WBP2NL: variants seen among roughly 807,000 people sequenced by gnomAD.
WBP2NL encodes WBP2 N-terminal like, also known as postacrosomal sheath WW domain-binding protein.
A neutral mutation model predicts 23.3 loss-of-function variants in WBP2NL; 27 were observed. The observed-to-expected ratio is 1.16, with a 90% confidence interval of 0.85 to 1.60. The LOEUF (loss-of-function observed/expected upper bound fraction) is 1.60. Ranked by LOEUF, WBP2NL falls within the 40% of genes most tolerant of loss-of-function variation. The pLI, the probability that WBP2NL is intolerant of heterozygous loss-of-function variation, is 0.00. For synonymous variants in WBP2NL, 151 were observed against 145.9 expected, an observed-to-expected ratio of 1.03 and a Z score of -0.25; for missense variants, 370 against 389.5, an observed-to-expected ratio of 0.95 and a Z score of 0.42.
intron 1 of WBP2NL, among the ~76,000 whole-genome samples, chr22:42,009,091 T>G (rs1461432561): frequency 6.6e-6 from 1 of 152,224 alleles, no homozygotes; most frequent in Non-Finnish European, 1.5e-5. Flanking sequence ...TTTTTTTGTA[T>G]TTTTAGTAGA....
chr22:42,043,016 G>GAAA (rs59812729), intron 8 of WBP2NL, among the ~76,000 whole-genome samples: 10 of 55,318 alleles, frequency 1.8e-4, no homozygotes, highest in Admixed American at 2.2e-4. Context: ...AGTGAGCCAA[G>GAAA]AAAAAAAAAA....
chr22:42,030,095 C>G (rs1176880422), downstream of WBP2NL: 3 of 152,124 alleles, frequency 2.0e-5, no homozygotes, highest in Non-Finnish European at 4.4e-5. Context: ...GACAAGAAAA[C>G]TGGTTTCTTT....
intron 8 of WBP2NL, among the ~76,000 whole-genome samples, chr22:42,052,695 A>G (rs569782255): frequency 4.6e-5 from 7 of 152,318 alleles, no homozygotes; most frequent in Admixed American, 1.3e-4. Context: ...TATTTTTCCA[A>G]TGTGTCTTTG....
intron 8 of WBP2NL, among the ~76,000 whole-genome samples, chr22:42,055,715 G>A (rs1926003305): frequency 6.6e-6 from 1 of 151,936 alleles, no homozygotes; most frequent in East Asian, 1.9e-4. Flanking sequence ...TATATATTTG[G>A]ACTCGTTAGG....
At chr22:42,018,915 GAAAA>G (rs149512857) in intron 1 of WBP2NL, among the ~76,000 whole-genome samples, 2 of 141,576 alleles carry the variant, frequency 1.4e-5, no homozygotes, top group African/African-American at 2.6e-5. Context: ...GCTTACTCTG[GAAAA>G]AAAAAAAAAA....
Position 41,998,882 on chromosome 22 carries a change from T to G in WBP2NL, c.62+2T>G, listed in dbSNP as rs1402930879. 6.2e-7 allele frequency: 1 copy of G among 1,604,304 alleles called. No individual in the cohort carries two copies. Among genetic ancestry groups the G allele is most frequent in the Admixed American group, 1.7e-5 (1 of 59,322 alleles). ...AGCCCTCATCCCTAACGGTGAAAGG[T>G]GCCTGAGGGGAAGCACGGCGTGCTG... On this transcript the variant is annotated splice_donor_variant, in intron 1 of 5. Coordinates refer to ENST00000328823, the MANE Select transcript of WBP2NL (RefSeq NM_152613.3). LOFTEE classifies it high-confidence loss of function.
chr22:42,002,015 G>A (rs17002793), intron 1 of WBP2NL: 11,625 of 694,950 alleles, frequency 0.017, 845 homozygotes, highest in African/African-American at 0.17. Flanking sequence ...TCCGAGAATC[G>A]GCTTTGACTC....
intron 8 of WBP2NL, among the ~76,000 whole-genome samples, chr22:42,048,957 A>G (rs1925709423): frequency 6.6e-6 from 1 of 152,080 alleles, no homozygotes; most frequent in Admixed American, 6.6e-5. Flanking sequence ...ATTCTATTGA[A>G]CCTCCTGTTG....
At chr22:42,057,027 G>C (rs1205420307) in intron 8 of WBP2NL, among the ~76,000 whole-genome samples, 2 of 152,094 alleles carry the variant, frequency 1.3e-5, no homozygotes, top group East Asian at 3.9e-4. Context: ...GTCTAGGTAT[G>C]GAGCTCTTTG....
downstream of WBP2NL, chr22:42,032,776 A>G (rs1364848845): frequency 2.1e-6 from 1 of 470,166 alleles, no homozygotes. Flanking sequence ...TAAATGGATT[A>G]GAAAGAAGGG....
At chr22:42,008,786 AT>A (rs924605103) in intron 1 of WBP2NL, among the ~76,000 whole-genome samples, 2 of 126,998 alleles carry the variant, frequency 1.6e-5, no homozygotes, top group Non-Finnish European at 3.4e-5. Context: ...TTTTTTTATT[AT>A]TTTTTTTCTA....
At chr22:41,999,322 C>T (rs1258466531) in intron 1 of WBP2NL, among the ~76,000 whole-genome samples, 1 of 152,204 alleles carries the variant, frequency 6.6e-6, no homozygotes, top group African/African-American at 2.4e-5. Flanking sequence ...CTCCTACTTC[C>T]ACGAACAAGG....
chr22:42,020,866 GTGTA>G (rs1298483297), intron 4 of WBP2NL, among the ~76,000 whole-genome samples: 94 of 15,540 alleles, frequency 6.0e-3, no homozygotes, highest in South Asian at 8.6e-3. Context: ...GTGTGTGTGT[GTGTA>G]TATATATATA....
chr22:42,046,162 C>A (rs1460266536), intron 8 of WBP2NL, among the ~76,000 whole-genome samples: 1 of 152,132 alleles, frequency 6.6e-6, no homozygotes, highest in Non-Finnish European at 1.5e-5. Flanking sequence ...CAAACAAAAA[C>A]CAAAGGGCAC....
Position 42,027,040 on chromosome 22 carries a change from T to C in WBP2NL, c.789T>C (p.Pro263=), listed in dbSNP as rs1196285612. Residue 263 remains proline, a synonymous_variant, in exon 6 of 6, where the codon CCT becomes CCC. Coordinates refer to ENST00000328823, the MANE Select transcript of WBP2NL (RefSeq NM_152613.3). ...GAPPLGYGAP[P]AGNEGPPAGY... ...CACCTCTCGGATATGGAGCCCCACC[T>C]GCAGGAAATGAAGGCCCGCCTGCGG... The C allele has an allele frequency of 6.2e-7, 1 of 1,612,496 alleles. No homozygotes were observed. The highest frequency in any genetic ancestry group is 8.5e-7 in the Non-Finnish European group (1 of 1,179,562).
rs1921212106 is a variant in WBP2NL at position 41,998,843 on chromosome 22, G to T, written c.25G>T (p.Glu9Ter). Residue 9 changes from glutamate (E) to a stop codon, truncating the protein, a stop_gained, in exon 1 of 6, where the codon GAG (glutamate) becomes TAG (stop). Transcript: ENST00000328823. LOFTEE classifies it high-confidence loss of function. MAVNQSHT[E>*]NRRGALIPNG... ...GATGGCGGTGAATCAGAGCCACACCGAGAACCGCCGCGGAGCCCTCATCCC... is the reference window on the plus strand; with the variant it reads ...GATGGCGGTGAATCAGAGCCACACCTAGAACCGCCGCGGAGCCCTCATCCC... 1 of 1,612,256 alleles carries T rather than the reference G, an allele frequency of 6.2e-7. No homozygotes were observed. Among genetic ancestry groups the T allele is most frequent in the Non-Finnish European group, 8.5e-7 (1 of 1,179,000 alleles).
chr22:42,026,983 A>T lies in WBP2NL; in HGVS notation c.732A>T (p.Gly244=), dbSNP rs763691124. ...PPLGYGAPPL[G]YGTPPLGYGA... is the part of the protein sequence containing the mutation. Reference sequence around the variant, plus strand: ...TAGGATATGGAGCCCCACCTCTTGGATATGGAACCCCACCTCTCGGATATG... The same window carrying T: ...TAGGATATGGAGCCCCACCTCTTGGTTATGGAACCCCACCTCTCGGATATG... The change falls in exon 6 of 6, where the codon GGA becomes GGT. Residue 244 remains glycine (G), a synonymous_variant. Coordinates refer to ENST00000328823, the MANE Select transcript of WBP2NL (RefSeq NM_152613.3). 9 of 1,612,090 alleles carry T rather than the reference A, an allele frequency of 5.6e-6. No homozygotes were observed. Among genetic ancestry groups the T allele is most frequent in the Non-Finnish European group, 7.6e-6 (9 of 1,179,384 alleles).
intron 8 of WBP2NL, among the ~76,000 whole-genome samples, chr22:42,042,149 G>A (rs1294784443): frequency 6.6e-6 from 1 of 152,288 alleles, no homozygotes; most frequent in East Asian, 1.9e-4. Flanking sequence ...GTAGACTTGT[G>A]TTCAACCTAT....
In WBP2NL at chr22:42,002,002, T is replaced by C; in HGVS notation, c.62+3122T>C. On this transcript the variant is annotated intron_variant, in intron 1 of 5. Transcript: ENST00000328823. ...GAGGCAGGCTGCTGTGGGATGGGAC[T>C]GGTCCGAGAATCGGCTTTGACTCCG... 3.5e-6 allele frequency: 3 copies of C among 856,812 alleles called. No individual in the cohort carries two copies. The South Asian group carries it at 9.3e-5, about 26-fold the overall frequency. The allele number at this position is 856,812 out of a possible 1,614,324, so 53.1% of individuals were successfully genotyped here. A position where few individuals can be genotyped will look rare whatever the true frequency, so the allele number is the denominator to read the frequency against.
Sources: gnomAD v4.1 joint callset for allele counts (sites outside exome capture counted in the v4.1 genomes callset) on GRCh38, gnomAD v4.1.1 for gene constraint, MANE v1.5 for transcripts, NCBI Gene and HGNC (gene_info 2026-07-23, HGNC 2026-07-21) for gene names.